The following ABTB2 variants were observed in gnomAD, a reference collection of about 807,000 sequenced individuals.
ABTB2 encodes ankyrin repeat and BTB/POZ domain-containing protein 2.
Under a neutral mutation model 104.1 loss-of-function variants are expected in ABTB2, and 56 were observed. That is an observed-to-expected ratio of 0.54 (90% CI 0.43 to 0.67). The LOEUF is 0.67. Ranked by LOEUF, ABTB2 falls within the 30% of genes least tolerant of loss-of-function variation. The probability of loss-of-function intolerance (pLI) is 0.00; values close to 1 mark genes in which losing one functional copy is unlikely to be tolerated. For synonymous variants in ABTB2, 606 were observed against 608.2 expected (o/e 1.00, Z 0.05); for missense variants, 1,279 against 1,407.7 (o/e 0.91, Z 1.46).
At position 34,224,994 on chromosome 11, in the gene ABTB2, C is replaced by G. The variant is rs184513017; in HGVS notation, c.884-20304G>C. Among the ~76,000 whole-genome samples, 429 of 152,254 alleles carry G rather than the reference C, an allele frequency of 2.8e-3. 2 individuals carry two copies. The highest frequency in any genetic ancestry group is 1.0e-2 in the African/African-American group (415 of 41,520). On this transcript the variant is annotated intron_variant, in intron 1 of 16. Transcript: ENST00000435224. Reference sequence around the variant, plus strand: ...GGTGCTTAATAAGTATAAAAAAATCCATGTTCAGAGAATGTGGATTTATTT... The same window carrying G: ...GGTGCTTAATAAGTATAAAAAAATCGATGTTCAGAGAATGTGGATTTATTT...
chr11:34,169,547 G>T (rs1164285026), intron 5 of ABTB2, among the ~76,000 whole-genome samples: 1 of 152,064 alleles, frequency 6.6e-6, no homozygotes, highest in Non-Finnish European at 1.5e-5. Context: ...CTAAATCCTA[G>T]GTCTATCTGA....
chr11:34,202,448 G>C (rs914637322), intron 2 of ABTB2, among the ~76,000 whole-genome samples: 1 of 145,810 alleles, frequency 6.9e-6, no homozygotes, highest in Non-Finnish European at 1.6e-5. Context: ...CCAGAGTGAG[G>C]ATTTTGGATT....
chr11:34,236,293 T>C (rs1166286516), intron 1 of ABTB2, among the ~76,000 whole-genome samples: 1 of 152,232 alleles, frequency 6.6e-6, no homozygotes, highest in Non-Finnish European at 1.5e-5. Context: ...TGAGAAAATA[T>C]GGAAATTTTC....
chr11:34,332,693 A>T (rs951553555), intron 1 of ABTB2, among the ~76,000 whole-genome samples: 2 of 152,166 alleles, frequency 1.3e-5, no homozygotes, highest in African/African-American at 4.8e-5. Context: ...GCTGTCCAGC[A>T]ATGCCTCTGT....
intron 1 of ABTB2, among the ~76,000 whole-genome samples, chr11:34,332,436 A>G (rs1855142733): frequency 6.6e-6 from 1 of 152,088 alleles, no homozygotes; most frequent in African/African-American, 2.4e-5. Flanking sequence ...CGAAAATGTA[A>G]CCCCCACACT....
intron 1 of ABTB2, among the ~76,000 whole-genome samples, chr11:34,263,430 T>C (rs927661568): frequency 6.6e-6 from 1 of 152,188 alleles, no homozygotes; most frequent in Non-Finnish European, 1.5e-5. Context: ...TAAGTTCTTT[T>C]GCAGGTTCTC....
chr11:34,167,510 A>C, intron 6 of ABTB2, 150 bp from the exon 7 acceptor site: 1 of 731,550 alleles, frequency 1.4e-6, no homozygotes, highest in Non-Finnish European at 2.3e-6. Flanking sequence ...TCAAAAAGAG[A>C]GGATAGGTAT....
chr11:34,234,424 A>G (rs1350158397), intron 1 of ABTB2, among the ~76,000 whole-genome samples: 1 of 152,196 alleles, frequency 6.6e-6, no homozygotes, highest in East Asian at 1.9e-4. Context: ...GGATTTCCCC[A>G]TCAGGGAGAT....
intron 1 of ABTB2, among the ~76,000 whole-genome samples, chr11:34,316,998 G>GC (rs979813124): frequency 1.3e-4 from 20 of 152,316 alleles, no homozygotes; most frequent in Non-Finnish European, 1.3e-4. Flanking sequence ...AAACTACTGT[G>GC]CCTGAGGTAC....
At chr11:34,156,359 A>G (rs1271578321) in intron 14 of ABTB2, among the ~76,000 whole-genome samples, 1 of 152,166 alleles carries the variant, frequency 6.6e-6, no homozygotes, top group Non-Finnish European at 1.5e-5. Context: ...GGAGCCAGGC[A>G]GCCTGTGGGG....
chr11:34,159,843 G>A (rs1852683149), intron 13 of ABTB2, 63 bp downstream of exon 13: 1 of 1,345,422 alleles, frequency 7.4e-7, no homozygotes, highest in Admixed American at 1.7e-5. Flanking sequence ...TCTGTCACCT[G>A]GAATCTGAAA....
chr11:34,284,284 C>G (rs1212468555), intron 1 of ABTB2, among the ~76,000 whole-genome samples: 1 of 152,230 alleles, frequency 6.6e-6, no homozygotes, highest in Non-Finnish European at 1.5e-5. Flanking sequence ...CCTTTAGCTT[C>G]TCAGGCCACT....
intron 1 of ABTB2, among the ~76,000 whole-genome samples, chr11:34,330,244 C>T (rs1237478805): frequency 6.6e-6 from 1 of 152,100 alleles, no homozygotes; most frequent in African/African-American, 2.4e-5. Context: ...GCCAGTACTG[C>T]CTGGTATTTT....
intron 14 of ABTB2, among the ~76,000 whole-genome samples, chr11:34,155,338 A>T (rs1370654643): frequency 1.3e-5 from 2 of 152,170 alleles, no homozygotes; most frequent in East Asian, 1.9e-4. Context: ...CTCAAAAAGA[A>T]AGCGCAGAGC....
At chr11:34,221,439 C>T (rs1853621381) in intron 1 of ABTB2, among the ~76,000 whole-genome samples, 1 of 152,236 alleles carries the variant, frequency 6.6e-6, no homozygotes, top group African/African-American at 2.4e-5. Context: ...CATAGTTCAG[C>T]CCCTAAAGGT....
In ABTB2 at chr11:34,160,287, T is replaced by C. The variant is rs745772913; in HGVS notation, c.2464A>G (p.Ser822Gly). The change falls in exon 12 of 17, where the codon AGC becomes GGC. Residue 822 changes from serine to glycine, a missense_variant. Ser to Gly is a moderately conservative substitution (Grantham distance 56, BLOSUM62 0). Coordinates refer to ENST00000435224, the MANE Select transcript of ABTB2 (RefSeq NM_145804.3). Reference sequence around the variant, plus strand: ...AGGGTCTTCCGGATCTCTGGGATGCTGGGGATGGGACTGCTGCCATAGCAG... The same window carrying C: ...AGGGTCTTCCGGATCTCTGGGATGCCGGGGATGGGACTGCTGCCATAGCAG... ...THCYGSSPIPSIPEIRKTLPA... is the reference protein window; with the variant it reads ...THCYGSSPIPGIPEIRKTLPA... 3.1e-6 allele frequency: 5 copies of C among 1,614,088 alleles called. No individual in the cohort carries two copies. In the South Asian group the frequency reaches 5.5e-5, roughly 18 times the overall value.
intron 1 of ABTB2, among the ~76,000 whole-genome samples, chr11:34,261,438 ATCC>A (rs1315426410): frequency 1.3e-5 from 2 of 152,120 alleles, no homozygotes; most frequent in African/African-American, 4.8e-5. Flanking sequence ...ACTTATAGAA[ATCC>A]TCCTATTTAC....
intron 2 of ABTB2, among the ~76,000 whole-genome samples, chr11:34,197,898 C>A (rs1853282629): frequency 6.6e-6 from 1 of 152,328 alleles, no homozygotes; most frequent in South Asian, 2.1e-4. Flanking sequence ...TTCCCAGCCT[C>A]TACCAGCCAG....
intron 1 of ABTB2, among the ~76,000 whole-genome samples, chr11:34,347,885 GA>G (rs1010931666): frequency 1.5e-4 from 22 of 149,108 alleles, no homozygotes; most frequent in African/African-American, 4.9e-4. Flanking sequence ...ACTTAACACC[GA>G]AAAAAAAAAG....
Sources: gnomAD v4.1 joint callset for allele counts (sites outside exome capture counted in the v4.1 genomes callset) on GRCh38, gnomAD v4.1.1 for gene constraint, MANE v1.5 for transcripts, NCBI Gene and HGNC (gene_info 2026-07-23, HGNC 2026-07-21) for gene names.